PLAGL1: variants seen among roughly 807,000 people sequenced by gnomAD.
PLAGL1 encodes the protein zinc finger protein PLAGL1.
PLAGL1 carries 1 observed loss-of-function variant against 4.6 expected under a neutral mutation model. That is an observed-to-expected ratio of 0.22 (90% CI 0.08 to 1.03). PLAGL1 has a LOEUF of 1.03. Ranked by LOEUF, PLAGL1 falls within the 50% of genes least tolerant of loss-of-function variation. The probability of loss-of-function intolerance (pLI) is 0.58; values close to 1 mark genes in which losing one functional copy is unlikely to be tolerated. For synonymous variants in PLAGL1, 240 were observed against 237.8 expected, an observed-to-expected ratio of 1.01 and a Z score of -0.08; for missense variants, 464 against 570.4, an observed-to-expected ratio of 0.81 and a Z score of 1.90.
intron 1 of PLAGL1, among the ~76,000 whole-genome samples, chr6:144,014,745 A>G (rs1347244258): frequency 6.6e-6 from 1 of 151,912 alleles, no homozygotes; most frequent in Admixed American, 6.6e-5. Flanking sequence ...GCACCCAGCT[A>G]ATTTTTGTAT....
At chr6:144,018,395 G>A (rs1019442248) in intron 1 of PLAGL1, among the ~76,000 whole-genome samples, 4 of 152,148 alleles carry the variant, frequency 2.6e-5, no homozygotes, top group Admixed American at 2.0e-4. Context: ...AGAGGATGGG[G>A]TAGCGGGTAT....
intron 1 of PLAGL1, among the ~76,000 whole-genome samples, chr6:144,026,729 GA>G (rs957157093): frequency 3.9e-5 from 6 of 152,238 alleles, no homozygotes; most frequent in African/African-American, 1.2e-4. Context: ...ACATTCACAA[GA>G]ACACAGTACT....
At chr6:143,986,467 CAGCAGTTT>C (rs1216307213) in intron 1 of PLAGL1, among the ~76,000 whole-genome samples, 2 of 152,068 alleles carry the variant, frequency 1.3e-5, no homozygotes, top group Admixed American at 1.3e-4. Flanking sequence ...GATTGACAGG[CAGCAGTTT>C]ATACATAGTC....
At chr6:143,976,132 G>A (rs1000653349) in intron 2 of PLAGL1, among the ~76,000 whole-genome samples, 1 of 151,934 alleles carries the variant, frequency 6.6e-6, no homozygotes. Flanking sequence ...CCACAGTACA[G>A]AGTGTACAGA....
In PLAGL1 at chr6:144,004,398, G is replaced by A. The variant is rs1793685013; in HGVS notation, c.-584+3692C>T. Among the ~76,000 whole-genome samples, 1 of 152,178 alleles carries A rather than the reference G, an allele frequency of 6.6e-6. No individual in the cohort carries two copies. Among genetic ancestry groups the A allele is most frequent in the Non-Finnish European group, 1.5e-5 (1 of 68,032 alleles). ...GCAGTGGGTTGGAATTGGCCCACAGGCCATAGTTTGCCAACCCTTGATACA... is the reference window on the plus strand; with the variant it reads ...GCAGTGGGTTGGAATTGGCCCACAGACCATAGTTTGCCAACCCTTGATACA... On this transcript the variant is annotated intron_variant, in intron 1 of 7. Transcript: ENST00000674357. This position sits in a 1 kb window ranked among gnomAD's most constrained non-coding sequence, Gnocchi z 4.2.
chr6:143,982,415 A>G lies in PLAGL1; in HGVS notation c.-544+2720T>C, dbSNP rs1788161832. On this transcript the variant is annotated intron_variant, in intron 2 of 7. Transcript: ENST00000674357. This position sits in a 1 kb window ranked among gnomAD's most constrained non-coding sequence, Gnocchi z 5.3. ...GGAAGCGGTAAAAGATTAGGCCAGAAGTAATGGGACCCATAGCACATAGGA... is the reference window on the plus strand; with the variant it reads ...GGAAGCGGTAAAAGATTAGGCCAGAGGTAATGGGACCCATAGCACATAGGA... Among the ~76,000 whole-genome samples the G allele has an allele frequency of 6.6e-6, 1 of 152,190 alleles. No homozygotes were observed. The highest frequency in any genetic ancestry group is 1.5e-5 in the Non-Finnish European group (1 of 68,030).
rs978565805 is a variant in PLAGL1 at position 144,000,887 on chromosome 6, A to G, written c.-584+7203T>C. Among the ~76,000 whole-genome samples, 5 of 152,162 alleles carry G rather than the reference A, an allele frequency of 3.3e-5. No individual in the cohort carries two copies. Among genetic ancestry groups the G allele is most frequent in the East Asian group, 1.9e-4 (1 of 5,206 alleles). On this transcript the variant is annotated intron_variant, in intron 1 of 7. Transcript: ENST00000674357. This position sits in a 1 kb window ranked among gnomAD's most constrained non-coding sequence, Gnocchi z 4.1. Reference sequence around the variant, plus strand: ...TCAGATATTTGTAATTCTTCATGTCATCAAACTAAGAAAAGTCATAATCTC... The same window carrying G: ...TCAGATATTTGTAATTCTTCATGTCGTCAAACTAAGAAAAGTCATAATCTC...
intron 2 of PLAGL1, among the ~76,000 whole-genome samples, chr6:143,969,934 G>C (rs1419397334): frequency 6.6e-6 from 1 of 152,124 alleles, no homozygotes; most frequent in Non-Finnish European, 1.5e-5. Flanking sequence ...CAAATGATGA[G>C]AGGGCAGCAG....
In PLAGL1 at chr6:143,952,664, G is replaced by A. The variant is rs1048904069; in HGVS notation, c.-324-4204C>T. ...TGGAGGGGGGAGTCAGAACACAACT[G>A]TAGTTCCAGGACTTCTCCAGTGCTA... On this transcript the variant is annotated intron_variant, in intron 6 of 7. Transcript: ENST00000674357. The surrounding 1 kb of genome is among the most constrained non-coding windows in gnomAD (Gnocchi z 6.1). Among the ~76,000 whole-genome samples, 5 of 152,120 alleles carry A rather than the reference G, an allele frequency of 3.3e-5. No homozygotes were observed. Among genetic ancestry groups the A allele is most frequent in the Non-Finnish European group, 2.9e-5 (2 of 68,030 alleles).
In PLAGL1 at chr6:143,970,703, T is replaced by A. The variant is rs1785262771; in HGVS notation, c.-543-1725A>T. Among the ~76,000 whole-genome samples, 1 of 152,212 alleles carries A rather than the reference T, an allele frequency of 6.6e-6. No individual in the cohort carries two copies. The highest frequency in any genetic ancestry group is 2.1e-4 in the South Asian group (1 of 4,834). On this transcript the variant is annotated intron_variant, in intron 2 of 7. Coordinates refer to ENST00000674357, the MANE Select transcript of PLAGL1 (RefSeq NM_001317162.2). The surrounding 1 kb of genome is among the most constrained non-coding windows in gnomAD (Gnocchi z 5.8). Reference sequence around the variant, plus strand: ...CACATGTAAACACAGAGACATAACATATGTCCATCCCCAAACCTATTTTGA... The same window carrying A: ...CACATGTAAACACAGAGACATAACAAATGTCCATCCCCAAACCTATTTTGA...
intron 7 of PLAGL1, among the ~76,000 whole-genome samples, chr6:143,944,776 T>G (rs1213703632): frequency 7.5e-6 from 1 of 133,190 alleles, no homozygotes; most frequent in East Asian, 2.6e-4. Context: ...ACACTCAGTA[T>G]TTAAACCTTT....
At chr6:144,042,410 G>A (rs905569906) in intron 1 of PLAGL1, among the ~76,000 whole-genome samples, 3 of 152,140 alleles carry the variant, frequency 2.0e-5, no homozygotes, top group Admixed American at 2.0e-4. Flanking sequence ...AGTTTTCCCA[G>A]CACCATTTAT....
Position 144,005,991 on chromosome 6 carries a change from A to G in PLAGL1, c.-584+2099T>C, listed in dbSNP as rs1794091365. The G allele has an allele frequency of 6.6e-6, 1 of 152,144 alleles. No homozygotes were observed. Among genetic ancestry groups the G allele is most frequent in the African/African-American group, 2.4e-5 (1 of 41,450 alleles). The allele number at this position is 152,144 out of a possible 1,614,324, so 9.4% of individuals were successfully genotyped here. On this transcript the variant is annotated intron_variant, in intron 1 of 7. Coordinates refer to ENST00000674357, the MANE Select transcript of PLAGL1 (RefSeq NM_001317162.2). This position sits in a 1 kb window ranked among gnomAD's most constrained non-coding sequence, Gnocchi z 4.6. ...ATTTGATTTTAGCTAAAATTACTAT[A>G]TAAAATATTCCAGTTGTGTACAAAA... is the stretch of plus-strand genomic sequence containing the variant.
chr6:144,047,847 A>G (rs1798278789), intron 1 of PLAGL1, among the ~76,000 whole-genome samples: 1 of 152,186 alleles, frequency 6.6e-6, no homozygotes, highest in African/African-American at 2.4e-5. Flanking sequence ...ACAGTTCCCC[A>G]AAGCCTTCTC....
At chr6:144,045,989 G>A (rs532039698) in intron 1 of PLAGL1, among the ~76,000 whole-genome samples, 1 of 152,126 alleles carries the variant, frequency 6.6e-6, no homozygotes, top group Non-Finnish European at 1.5e-5. Context: ...ACTGAAGCTT[G>A]TGCATGCGTC....
intron 1 of PLAGL1, among the ~76,000 whole-genome samples, chr6:144,017,754 A>G (rs1336151549): frequency 6.6e-6 from 1 of 152,232 alleles, no homozygotes; most frequent in Non-Finnish European, 1.5e-5. Context: ...GCAAACCCGT[A>G]GACTTCAACA....
intron 1 of PLAGL1, among the ~76,000 whole-genome samples, chr6:144,044,480 G>A (rs748501888): frequency 6.6e-6 from 1 of 152,176 alleles, no homozygotes; most frequent in Non-Finnish European, 1.5e-5. Flanking sequence ...CCATGTAGTG[G>A]TGTGGTTTTG....
At position 143,994,278 on chromosome 6, in the gene PLAGL1, A is replaced by T. The variant is rs1465981806; in HGVS notation, c.-583-9104T>A. 1.3e-5 allele frequency among the ~76,000 whole-genome samples: 2 copies of T among 152,228 alleles called. No homozygotes were observed. The stretch of plus-strand genomic sequence containing the variant: ...TTAATAATCTCAGAAAGGTGTCAGA[A>T]AAACGAGGAATTTTCCTATATATTG... On this transcript the variant is annotated intron_variant, in intron 1 of 7. Transcript: ENST00000674357. The surrounding 1 kb of genome is among the most constrained non-coding windows in gnomAD (Gnocchi z 4.3).
chr6:144,043,175 T>C (rs1258507827), intron 1 of PLAGL1, among the ~76,000 whole-genome samples: 1 of 152,182 alleles, frequency 6.6e-6, no homozygotes, highest in Non-Finnish European at 1.5e-5. Context: ...TTTCTTTCTT[T>C]TGCCTGATTG....
Sources: gnomAD v4.1 joint callset for allele counts (sites outside exome capture counted in the v4.1 genomes callset) on GRCh38, gnomAD v4.1.1 for gene constraint, Gnocchi (gnomAD v3.1) non-coding constraint, MANE v1.5 for transcripts, NCBI Gene and HGNC (gene_info 2026-07-23, HGNC 2026-07-21) for gene names.